The following IL1R1 variants were observed in gnomAD, a reference collection of about 807,000 sequenced individuals.
IL1R1 encodes the protein interleukin 1 receptor type 1.
Under a neutral mutation model 50.2 loss-of-function variants are expected in IL1R1, and 22 were observed. The ratio of observed to expected loss-of-function variants is 0.44; its 90% CI spans 0.31 to 0.63. IL1R1 has a LOEUF of 0.63. Among genes scored for constraint, IL1R1 ranks in the 20% least tolerant of loss-of-function variants. IL1R1 has a pLI of 0.07. For missense variants in IL1R1, 509 were observed against 676.2 expected (o/e 0.75, Z 2.74); for synonymous variants, 251 against 236.7 (o/e 1.06, Z -0.55).
upstream of IL1R1, among the ~76,000 whole-genome samples, chr2:102,101,880 T>C (rs1680158750): frequency 6.6e-6 from 1 of 152,222 alleles, no homozygotes; most frequent in African/African-American, 2.4e-5. Flanking sequence ...ACTTCTGATA[T>C]TGAATTTTTG....
At chr2:102,165,928 C>A (rs1685144815) in intron 5 of IL1R1, among the ~76,000 whole-genome samples, 185 bp from the exon 6 acceptor site, 1 of 152,082 alleles carries the variant, frequency 6.6e-6, no homozygotes, top group African/African-American at 2.4e-5. Flanking sequence ...AACTTAATGT[C>A]ATAGGAATAT....
intron 1 of IL1R1, among the ~76,000 whole-genome samples, chr2:102,143,428 G>T (rs1188395362): frequency 2.0e-5 from 3 of 152,190 alleles, no homozygotes; most frequent in Non-Finnish European, 4.4e-5. Flanking sequence ...AGGGTAACTT[G>T]TTGCCCCTCC....
chr2:102,113,423 T>C (rs574008501), intron 1 of IL1R1, among the ~76,000 whole-genome samples: 1 of 152,360 alleles, frequency 6.6e-6, no homozygotes, highest in African/African-American at 2.4e-5. Context: ...GCGGTGTTGC[T>C]TTTGGTGACC....
intron 1 of IL1R1, among the ~76,000 whole-genome samples, chr2:102,094,257 C>T (rs1042444143): frequency 6.6e-6 from 1 of 152,064 alleles, no homozygotes; most frequent in East Asian, 1.9e-4. Context: ...GGATTTATGA[C>T]CTTGTTTATT....
upstream of IL1R1, among the ~76,000 whole-genome samples, chr2:102,140,309 C>T (rs1682572561): frequency 6.6e-6 from 1 of 152,154 alleles, no homozygotes. Context: ...TTGTGTTGGT[C>T]AATATGATTT....
chr2:102,111,409 G>T (rs981605722), intron 1 of IL1R1, among the ~76,000 whole-genome samples: 1 of 152,320 alleles, frequency 6.6e-6, no homozygotes, highest in South Asian at 2.1e-4. Context: ...GACAAGTGGA[G>T]ACATTTTACA....
At chr2:102,079,103 T>C (rs960131472) in intron 1 of IL1R1, among the ~76,000 whole-genome samples, 8 of 152,012 alleles carry the variant, frequency 5.3e-5, no homozygotes, top group Non-Finnish European at 1.2e-4. Context: ...AGAGTAGTAA[T>C]AGAAGAGGAC....
At chr2:102,120,966 T>A (rs562361665) in intron 1 of IL1R1, among the ~76,000 whole-genome samples, 1 of 152,322 alleles carries the variant, frequency 6.6e-6, no homozygotes, top group South Asian at 2.1e-4. Context: ...CACAGTTCAC[T>A]CTAAATCTCA....
At chr2:102,138,143 T>A (rs990350843), upstream of IL1R1, among the ~76,000 whole-genome samples, 1 of 152,216 alleles carries the variant, frequency 6.6e-6, no homozygotes, top group African/African-American at 2.4e-5. Context: ...CATAGACAGT[T>A]CAGTTCCTGG....
Position 102,175,563 on chromosome 2 carries a change from G to C in IL1R1, c.1221G>C (p.Val407=). 6.2e-7 allele frequency: 1 copy of C among 1,613,778 alleles called. No individual in the cohort carries two copies. The highest frequency in any genetic ancestry group is 8.5e-7 in the Non-Finnish European group (1 of 1,179,778). Residue 407 remains valine (V), a synonymous_variant, in exon 11 of 12, where the codon GTG becomes GTC. Transcript: ENST00000410023. The stretch of plus-strand genomic sequence containing the variant: ...CTACCTCTGACTGTGATATTTTTGT[G>C]TTTAAAGTCTTGCCTGAGGTCTTGG... ...EGSTSDCDIF[V]FKVLPEVLEK...
rs1225178349 is a variant in IL1R1, at chr2:102,172,835, C to A, written c.988C>A (p.Pro330Thr). ...IDAAYIQLIY[P>T]VTNFQKHMIG... ...TGCAGCATATATCCAGTTAATATAT[C>A]CAGGTAAACAACAAACTAATTGAAA... The change falls in exon 9 of 12, where the codon CCA (proline) becomes ACA (threonine). Residue 330 changes from proline to threonine, a missense_variant. Pro to Thr is a conservative substitution (Grantham distance 38, BLOSUM62 -1). Transcript: ENST00000410023. The A allele has an allele frequency of 6.3e-7, 1 of 1,591,530 alleles. No homozygotes were observed. Among genetic ancestry groups the A allele is most frequent in the African/African-American group, 1.3e-5 (1 of 74,178 alleles).
At chr2:102,148,841 G>A (rs1298148997) in intron 1 of IL1R1, among the ~76,000 whole-genome samples, 1 of 152,142 alleles carries the variant, frequency 6.6e-6, no homozygotes, top group Non-Finnish European at 1.5e-5. Flanking sequence ...TTTAATAGCT[G>A]TATGAATCTT....
At chr2:102,122,478 T>C (rs913040921) in intron 1 of IL1R1, among the ~76,000 whole-genome samples, 4 of 152,188 alleles carry the variant, frequency 2.6e-5, no homozygotes, top group Non-Finnish European at 2.9e-5. Context: ...GTGCTGTACC[T>C]GGCAATAGCA....
intron 1 of IL1R1, among the ~76,000 whole-genome samples, chr2:102,097,330 G>A (rs1679947715): frequency 6.6e-6 from 1 of 152,110 alleles, no homozygotes; most frequent in Admixed American, 6.5e-5. Context: ...GTCAAATTTG[G>A]GGAGCATATA....
chr2:102,176,597 A>G lies in IL1R1; in HGVS notation c.1548A>G (p.Ser516=), dbSNP rs550174815. 6 of 1,614,196 alleles carry G rather than the reference A, an allele frequency of 3.7e-6. No homozygotes were observed. The Admixed American group carries it at 6.7e-5, about 18-fold the overall frequency. Residue 516 remains serine (S), a synonymous_variant, in exon 12 of 12, where the codon TCA becomes TCG. Transcript: ENST00000410023. ...AGAAACATGGGGCTATCCGCTGGTC[A>G]GGGGACTTTACACAGGGACCACAGT... ...IKQKHGAIRW[S]GDFTQGPQSA...
At chr2:102,088,756 A>G (rs906785999) in intron 1 of IL1R1, among the ~76,000 whole-genome samples, 4 of 152,190 alleles carry the variant, frequency 2.6e-5, no homozygotes, top group Admixed American at 6.5e-5. Context: ...TAGTGTAGCC[A>G]CCTTCATCAA....
intron 7 of IL1R1, among the ~76,000 whole-genome samples, chr2:102,170,743 T>C (rs996441887): frequency 6.6e-6 from 1 of 152,168 alleles, no homozygotes; most frequent in Non-Finnish European, 1.5e-5. Context: ...CCCTGAATAT[T>C]AATCTCAGAA....
chr2:102,158,998 T>C (rs1419437460), intron 3 of IL1R1, among the ~76,000 whole-genome samples: 1 of 152,154 alleles, frequency 6.6e-6, no homozygotes. Flanking sequence ...TTGGGTCAGA[T>C]GTGAGATGTG....
At chr2:102,084,753 C>T (rs1679366024) in intron 1 of IL1R1, among the ~76,000 whole-genome samples, 1 of 152,134 alleles carries the variant, frequency 6.6e-6, no homozygotes, top group Non-Finnish European at 1.5e-5. Context: ...GGTCTTGTAC[C>T]TGTGAGTGAA....
Sources: allele counts gnomAD v4.1 joint callset (sites outside exome capture counted in the v4.1 genomes callset), GRCh38; gene constraint gnomAD v4.1.1; transcripts MANE v1.5; gene names NCBI Gene and HGNC (gene_info 2026-07-23, HGNC 2026-07-21).